Variants in NHEJ1 observed in about 807,000 individuals in gnomAD.
NHEJ1 encodes the protein non-homologous end-joining factor 1.
A neutral mutation model predicts 39.4 loss-of-function variants in NHEJ1; 22 were observed. The ratio of observed to expected loss-of-function variants is 0.56; its 90% CI spans 0.40 to 0.80. The LOEUF (loss-of-function observed/expected upper bound fraction) is 0.80. Among genes scored for constraint, NHEJ1 ranks in the 30% least tolerant of loss-of-function variants. The pLI is 0.00. For missense variants in NHEJ1, 329 were observed against 357.1 expected (o/e 0.92, Z 0.63); for synonymous variants, 154 against 135.6 (o/e 1.14, Z -0.94).
chr2:219,121,563 G>A (rs1949471669), intron 5 of NHEJ1, among the ~76,000 whole-genome samples: 1 of 152,018 alleles, frequency 6.6e-6, no homozygotes, highest in Non-Finnish European at 1.5e-5. Context: ...AAGAGCAGCT[G>A]GACACAGTGG....
At chr2:219,106,943 T>C (rs895840801) in intron 5 of NHEJ1, among the ~76,000 whole-genome samples, 6 of 152,322 alleles carry the variant, frequency 3.9e-5, no homozygotes, top group South Asian at 2.1e-4. Flanking sequence ...AAAATATTCA[T>C]TTTTTCCTAT....
intron 1 of NHEJ1, among the ~76,000 whole-genome samples, chr2:219,159,709 A>T (rs1327410385): frequency 1.3e-5 from 2 of 151,382 alleles, no homozygotes; most frequent in Admixed American, 1.3e-4. Flanking sequence ...TTATGGGGAC[A>T]GAAGTGGTCA....
chr2:219,155,280 G>A (rs951745848), intron 3 of NHEJ1, among the ~76,000 whole-genome samples: 1 of 151,806 alleles, frequency 6.6e-6, no homozygotes, highest in East Asian at 1.9e-4. Flanking sequence ...ACGAAATAAA[G>A]TATGGGATGG....
chr2:219,118,657 G>A (rs1949439256), intron 5 of NHEJ1, among the ~76,000 whole-genome samples: 1 of 152,320 alleles, frequency 6.6e-6, no homozygotes, highest in South Asian at 2.1e-4. Flanking sequence ...TGCAGAGAAG[G>A]ACAGGGATAT....
At chr2:219,115,506 T>G (rs2106341863) in intron 5 of NHEJ1, among the ~76,000 whole-genome samples, 1 of 152,120 alleles carries the variant, frequency 6.6e-6, no homozygotes, top group East Asian at 1.9e-4. Flanking sequence ...CCTGAGCAAA[T>G]AGTCAAAAAT....
At chr2:219,132,894 T>C (rs1199351615) in intron 5 of NHEJ1, among the ~76,000 whole-genome samples, 2 of 152,208 alleles carry the variant, frequency 1.3e-5, no homozygotes, top group Non-Finnish European at 2.9e-5. Context: ...GTTTAATCTC[T>C]ATCAAAAGTC....
chr2:219,099,992 G>A (rs1437098480), intron 5 of NHEJ1, among the ~76,000 whole-genome samples: 12 of 152,192 alleles, frequency 7.9e-5, no homozygotes, highest in Admixed American at 7.9e-4. Flanking sequence ...CATCCAGTGG[G>A]AGGTCCACTG....
intron 5 of NHEJ1, among the ~76,000 whole-genome samples, chr2:219,138,107 G>A (rs1317824444): frequency 6.6e-6 from 1 of 152,022 alleles, no homozygotes; most frequent in Admixed American, 6.6e-5. Context: ...TGAATCCTAT[G>A]GCTTTCTCTA....
At chr2:219,134,712 G>A (rs1378915968) in intron 5 of NHEJ1, among the ~76,000 whole-genome samples, 2 of 152,078 alleles carry the variant, frequency 1.3e-5, no homozygotes, top group East Asian at 3.9e-4. Flanking sequence ...CTCTTTCCTA[G>A]GCATTCTCAC....
At chr2:219,137,595 A>AAAAAAATAAAAAAAC (rs143557047) in intron 5 of NHEJ1, among the ~76,000 whole-genome samples, 1 of 82,668 alleles carries the variant, frequency 1.2e-5, no homozygotes, top group African/African-American at 3.3e-5. Context: ...AAAAAAAACA[A>AAAAAAATAAAAAAAC]AAAAAACTGA....
intron 5 of NHEJ1, among the ~76,000 whole-genome samples, chr2:219,109,158 T>A (rs1480385515): frequency 6.6e-6 from 1 of 152,200 alleles, no homozygotes; most frequent in Non-Finnish European, 1.5e-5. Flanking sequence ...CCTTGACTGA[T>A]GCTGCCTAAG....
intron 5 of NHEJ1, among the ~76,000 whole-genome samples, chr2:219,132,659 T>G (rs1167766041): frequency 6.6e-6 from 1 of 152,162 alleles, no homozygotes; most frequent in Admixed American, 6.5e-5. Flanking sequence ...TGTAACTCAG[T>G]GAAAGATCTA....
At chr2:219,077,774 C>G (rs1949027893) in intron 6 of NHEJ1, among the ~76,000 whole-genome samples, 1 of 152,046 alleles carries the variant, frequency 6.6e-6, no homozygotes, top group African/African-American at 2.4e-5. Flanking sequence ...CTGCGCCCAG[C>G]CAGGGAAACT....
chr2:219,097,725 G>A (rs2106331154), intron 5 of NHEJ1, among the ~76,000 whole-genome samples: 1 of 152,294 alleles, frequency 6.6e-6, no homozygotes, highest in Middle Eastern at 3.4e-3. Flanking sequence ...TGAATATGTT[G>A]AGTTTGACCT....
intron 3 of NHEJ1, among the ~76,000 whole-genome samples, chr2:219,156,084 T>C (rs1449285971): frequency 7.4e-5 from 11 of 149,568 alleles, no homozygotes; most frequent in Non-Finnish European, 3.0e-5. Flanking sequence ...CTGTCTCTAC[T>C]AAAAAATAGA....
intron 5 of NHEJ1, among the ~76,000 whole-genome samples, chr2:219,129,926 T>C (rs1269242061): frequency 6.6e-6 from 1 of 152,050 alleles, no homozygotes; most frequent in African/African-American, 2.4e-5. Flanking sequence ...TCTCTCATTT[T>C]ATCTCTTTTT....
intron 5 of NHEJ1, among the ~76,000 whole-genome samples, chr2:219,094,365 G>A (rs1006921845): frequency 9.2e-5 from 14 of 152,278 alleles, no homozygotes; most frequent in African/African-American, 1.2e-4. Flanking sequence ...CTGTGGAAGC[G>A]GAGGTTGTGG....
intron 5 of NHEJ1, among the ~76,000 whole-genome samples, chr2:219,098,986 G>A (rs1263266272): frequency 6.6e-6 from 1 of 152,116 alleles, no homozygotes; most frequent in African/African-American, 2.4e-5. Flanking sequence ...GTAAGGAAGG[G>A]AGGCAGAATA....
chr2:219,105,336 C>T (rs1424774718), intron 5 of NHEJ1, among the ~76,000 whole-genome samples: 1 of 152,074 alleles, frequency 6.6e-6, no homozygotes. Context: ...CACCAGATTT[C>T]CACTGGCCAG....
Sources: allele counts gnomAD v4.1 joint callset (sites outside exome capture counted in the v4.1 genomes callset), GRCh38; gene constraint gnomAD v4.1.1; transcripts MANE v1.5; gene names NCBI Gene and HGNC (gene_info 2026-07-23, HGNC 2026-07-21).